HOXC5: variants seen among roughly 807,000 people sequenced by gnomAD.
HOXC5 encodes homeobox protein Hox-C5.
In HOXC5, 19 loss-of-function variants were observed where a neutral mutation model predicts 20.1. That is an observed-to-expected ratio of 0.94 (90% CI 0.66 to 1.38). The LOEUF is 1.38. Among genes scored for constraint, HOXC5 ranks in the 40% most tolerant of loss-of-function variants. The probability of loss-of-function intolerance (pLI) is 0.00; values close to 1 mark genes in which losing one functional copy is unlikely to be tolerated. For synonymous variants in HOXC5, 124 were observed against 117.0 expected, an observed-to-expected ratio of 1.06 and a Z score of -0.39; for missense variants, 330 against 300.1, an observed-to-expected ratio of 1.10 and a Z score of -0.74.
the HOXC5 span, among the ~76,000 whole-genome samples, chr12:54,017,743 A>G: frequency 2.0e-5 from 3 of 152,132 alleles, no homozygotes; most frequent in Non-Finnish European, 4.4e-5. Context: ...CCTGCTTATT[A>G]TAGATCTTCG....
At chr12:54,023,166 G>C in the HOXC5 span, among the ~76,000 whole-genome samples, 2 of 152,202 alleles carry the variant, frequency 1.3e-5, no homozygotes, top group Non-Finnish European at 2.9e-5. Context: ...GCTTGGAATA[G>C]AGGTGGGAGG....
rs776825391 is a variant in HOXC5, at chr12:54,033,354, G to T, written c.232G>T (p.Ala78Ser). 1 of 1,612,678 alleles carries T rather than the reference G, an allele frequency of 6.2e-7. No individual in the cohort carries two copies. The highest frequency in any genetic ancestry group is 8.5e-7 in the Non-Finnish European group (1 of 1,179,352). Residue 78 changes from alanine to serine, a missense_variant, in exon 1 of 2, where the codon GCC becomes TCC. Ala to Ser is a moderately conservative substitution (Grantham distance 99, BLOSUM62 1). Transcript: ENST00000312492. ...RAHPDRPACSAAAAPGHAPGR... is the reference protein window; with the variant it reads ...RAHPDRPACSSAAAPGHAPGR... The stretch of plus-strand genomic sequence containing the variant: ...TCACCCCGACCGCCCCGCCTGCAGC[G>T]CCGCGGCCGCTCCGGGACACGCTCC...
the HOXC5 span, among the ~76,000 whole-genome samples, chr12:54,018,826 C>CA: frequency 6.6e-6 from 1 of 152,138 alleles, no homozygotes; most frequent in Non-Finnish European, 1.5e-5. Context: ...TAATCTAAGC[C>CA]AAGACACCCC....
chr12:54,021,998 T>G, the HOXC5 span: 1 of 152,266 alleles, frequency 6.6e-6, no homozygotes, highest in Non-Finnish European at 1.5e-5. Flanking sequence ...ACAGGGCAGC[T>G]GTTTATAGGG....
chr12:54,033,619 GT>G (rs1209028587), intron 1 of HOXC5, 43 bp downstream of exon 1: 28 of 1,447,762 alleles, frequency 1.9e-5, no homozygotes, highest in Non-Finnish European at 2.6e-5. Flanking sequence ...GTCCGCCTGG[GT>G]TTTATAGGCC....
In HOXC5 at chr12:54,033,287, C is replaced by T. The variant is rs1419491641; in HGVS notation, c.165C>T (p.Ser55=). 1.2e-6 allele frequency: 2 copies of T among 1,614,192 alleles called. No individual in the cohort carries two copies. The highest frequency in any genetic ancestry group is 3.3e-5 in the Admixed American group (2 of 60,032). The part of the protein sequence containing the change: ...LSITFPPPAP[S]NSLHGVDMAA... ...TCACTTTCCCACCGCCTGCGCCTTCCAACTCTCTCCACGGGGTAGACATGG... is the reference window on the plus strand; with the variant it reads ...TCACTTTCCCACCGCCTGCGCCTTCTAACTCTCTCCACGGGGTAGACATGG... Residue 55 remains serine, a synonymous_variant, in exon 1 of 2, where the codon TCC becomes TCT. Coordinates refer to ENST00000312492, the MANE Select transcript of HOXC5 (RefSeq NM_018953.4).
At chr12:54,029,713 C>A, upstream of HOXC5, 2 of 1,614,184 alleles carry the variant, frequency 1.2e-6, no homozygotes, top group Non-Finnish European at 1.7e-6. Context: ...GGTACCAGAC[C>A]CTGGAACTGG....
the HOXC5 span, among the ~76,000 whole-genome samples, chr12:54,026,941 C>T: frequency 4.2e-5 from 6 of 142,450 alleles, no homozygotes; most frequent in Non-Finnish European, 6.1e-5. Context: ...AGCTTTCCCC[C>T]CCCCCAACCC....
In HOXC5 at chr12:54,034,808, C is replaced by G. The variant is rs902018071; in HGVS notation, c.*316C>G. The G allele has an allele frequency of 1.2e-5, 4 of 345,430 alleles. No homozygotes were observed. In the East Asian group the frequency reaches 1.9e-4, roughly 17 times the overall value. 21.4% of individuals were successfully genotyped at this position (345,430 alleles called of 1,614,324 possible). ...GCGCAGAACGAACCTTGGCCTGGGC[C>G]GTATCTCCGGCTCCCAGCCTCAGCG... On this transcript the variant is annotated 3_prime_UTR_variant, in exon 2 of 2. Coordinates refer to ENST00000312492, the MANE Select transcript of HOXC5 (RefSeq NM_018953.4).
At chr12:54,023,466 T>G in the HOXC5 span, among the ~76,000 whole-genome samples, 4 of 152,154 alleles carry the variant, frequency 2.6e-5, no homozygotes, top group Admixed American at 6.5e-5. Context: ...TCCATATACC[T>G]TTCTTCTCCG....
upstream of HOXC5, chr12:54,028,895 G>A: frequency 6.2e-7 from 1 of 1,611,902 alleles, no homozygotes; most frequent in Non-Finnish European, 8.5e-7. Context: ...ATTTACCCCT[G>A]GATGCAGCGA....
chr12:54,033,066 GTCACAAA>G lies in HOXC5; in HGVS notation c.-52_-46del, dbSNP rs1392707512. ...ACAAAAAACCCCTCAACTTCAAAGA[GTCACAAA>G]TCACCCTTAATCAAAAAGGGTGCAG... On this transcript the variant is annotated 5_prime_UTR_variant, in exon 1 of 2. Transcript: ENST00000312492. The G allele has an allele frequency of 6.2e-5, 89 of 1,438,296 alleles. No homozygotes were observed. The highest frequency in any genetic ancestry group is 8.3e-5 in the Non-Finnish European group (87 of 1,043,034). 89.1% of individuals were successfully genotyped at this position (1,438,296 alleles called of 1,614,324 possible). A position where few individuals can be genotyped will look rare whatever the true frequency, so the allele number is the denominator to read the frequency against.
upstream of HOXC5, chr12:54,029,536 C>G (rs1281984225): frequency 9.5e-7 from 1 of 1,047,752 alleles, no homozygotes; most frequent in Non-Finnish European, 1.4e-6. Flanking sequence ...AAGGCTAGAG[C>G]CCTAAGGAGG....
At chr12:54,026,974 G>T in the HOXC5 span, among the ~76,000 whole-genome samples, 1 of 132,822 alleles carries the variant, frequency 7.5e-6, no homozygotes, top group Admixed American at 7.3e-5. Context: ...TGGGGGGGGG[G>T]GGATATGAGC....
At chr12:54,025,674 G>C in the HOXC5 span, among the ~76,000 whole-genome samples, 196 of 151,946 alleles carry the variant, frequency 1.3e-3, no homozygotes, top group African/African-American at 4.5e-3. Context: ...ATTATAAATC[G>C]GCGAGACCTT....
the HOXC5 span, chr12:54,016,913 C>T: frequency 6.6e-6 from 1 of 152,344 alleles, no homozygotes; most frequent in South Asian, 2.1e-4. Context: ...CTGTAAGAGC[C>T]TAACCATTGC....
At chr12:54,028,819 A>G (rs565847774), upstream of HOXC5, 31 of 1,614,166 alleles carry the variant, frequency 1.9e-5, no homozygotes, top group Non-Finnish European at 2.4e-5. Context: ...ACAGACCTCA[A>G]TCGCTCAGGA....
the HOXC5 span, chr12:54,017,490 C>T: frequency 6.6e-6 from 1 of 151,550 alleles, no homozygotes; most frequent in Non-Finnish European, 1.5e-5. Context: ...GCAGCGGCTT[C>T]TCTTGGTTAG....
upstream of HOXC5, among the ~76,000 whole-genome samples, chr12:54,029,238 G>A (rs531429089): frequency 6.6e-6 from 1 of 152,364 alleles, no homozygotes; most frequent in Admixed American, 6.5e-5. Flanking sequence ...GGAGAAGGGA[G>A]GGGGAGAGGA....
Sources: gnomAD v4.1 joint callset for allele counts (sites outside exome capture counted in the v4.1 genomes callset) on GRCh38, gnomAD v4.1.1 for gene constraint, MANE v1.5 for transcripts, NCBI Gene and HGNC (gene_info 2026-07-23, HGNC 2026-07-21) for gene names.